JAZF1: variants seen among roughly 807,000 people sequenced by gnomAD.
JAZF1 encodes JAZF zinc finger 1.
A neutral mutation model predicts 26.4 loss-of-function variants in JAZF1; 8 were observed. The ratio of observed to expected loss-of-function variants is 0.30; its 90% confidence interval spans 0.18 to 0.55. The LOEUF (loss-of-function observed/expected upper bound fraction) is 0.55, where lower values mean the gene tolerates loss of function less well. JAZF1 is among the 20% of genes least tolerant of loss of function. The pLI is 0.94. For synonymous variants in JAZF1, 126 were observed against 122.3 expected, an observed-to-expected ratio of 1.03 and a Z score of -0.20; for missense variants, 199 against 322.0, an observed-to-expected ratio of 0.62 and a Z score of 2.92.
Position 27,979,366 on chromosome 7 carries a change from A to ATTTTT in JAZF1, c.188+12538_188+12542dup, listed in dbSNP as rs55737757. ...TAACAGGCGTGGCCAGGTACACTACATTTTTTTTTTTTTTTTTTTTTTTTT... is the reference window on the plus strand; with the variant it reads ...TAACAGGCGTGGCCAGGTACACTACATTTTTTTTTTTTTTTTTTTTTTTTTTTTTT... On this transcript the variant is annotated intron_variant, in intron 2 of 4. Transcript: ENST00000283928. Among the ~76,000 whole-genome samples, 7 of 58,434 alleles carry ATTTTT rather than the reference A, an allele frequency of 1.2e-4. 1 individual carries two copies. The highest frequency in any genetic ancestry group is 2.0e-4 in the African/African-American group (3 of 15,062). The allele number at this position is 58,434 out of a possible 152,430, so 38.3% of individuals were successfully genotyped here. A position where few individuals can be genotyped will look rare whatever the true frequency, so the allele number is the denominator to read the frequency against.
At chr7:27,856,579 C>T (rs959557583) in intron 3 of JAZF1, among the ~76,000 whole-genome samples, 1 of 152,188 alleles carries the variant, frequency 6.6e-6, no homozygotes, top group Non-Finnish European at 1.5e-5. Context: ...CTGATTGGTC[C>T]ATTTTGACAG....
chr7:28,006,013 C>T (rs1782694453), intron 1 of JAZF1, among the ~76,000 whole-genome samples: 2 of 152,068 alleles, frequency 1.3e-5, no homozygotes, highest in Non-Finnish European at 2.9e-5. Context: ...ATGGCTCCTA[C>T]ACATGAAGAG....
intron 3 of JAZF1, among the ~76,000 whole-genome samples, chr7:27,865,782 A>G (rs980232444): frequency 1.3e-5 from 2 of 152,186 alleles, no homozygotes; most frequent in African/African-American, 2.4e-5. Context: ...AGTAGAAGGG[A>G]GCTGACAGCC....
intron 4 of JAZF1, among the ~76,000 whole-genome samples, chr7:27,839,730 T>C (rs1443725875): frequency 6.6e-6 from 1 of 152,244 alleles, no homozygotes; most frequent in Admixed American, 6.5e-5. Flanking sequence ...TTGTGTGCCA[T>C]GCTTTTATAT....
intron 4 of JAZF1, among the ~76,000 whole-genome samples, chr7:27,835,817 T>C (rs1052848923): frequency 1.3e-4 from 20 of 152,248 alleles, no homozygotes; most frequent in Admixed American, 2.0e-4. Flanking sequence ...CTTTCAGAAA[T>C]ATTAGTAAAA....
At chr7:28,080,120 G>A (rs150091572) in intron 1 of JAZF1, among the ~76,000 whole-genome samples, 1 of 152,340 alleles carries the variant, frequency 6.6e-6, no homozygotes, top group African/African-American at 2.4e-5. Flanking sequence ...ATAAATTGTT[G>A]CAGCTTCTCC....
chr7:27,954,697 C>T (rs1267755150), intron 2 of JAZF1, among the ~76,000 whole-genome samples: 4 of 152,156 alleles, frequency 2.6e-5, no homozygotes, highest in African/African-American at 9.7e-5. Flanking sequence ...GCATGTCACT[C>T]CAATCTGTAA....
chr7:28,159,416 G>A (rs987834369), intron 1 of JAZF1, among the ~76,000 whole-genome samples: 1 of 151,606 alleles, frequency 6.6e-6, no homozygotes, highest in African/African-American at 2.4e-5. Context: ...GAACAACACT[G>A]GCCAACTCAG....
At chr7:28,125,747 T>G (rs1782683535) in intron 1 of JAZF1, among the ~76,000 whole-genome samples, 1 of 152,128 alleles carries the variant, frequency 6.6e-6, no homozygotes. Context: ...CTGTCCTCCC[T>G]GTCCCACCTC....
At chr7:28,134,339 C>A (rs1302968434) in intron 1 of JAZF1, among the ~76,000 whole-genome samples, 1 of 152,138 alleles carries the variant, frequency 6.6e-6, no homozygotes, top group Non-Finnish European at 1.5e-5. Context: ...CTTGCTCTGT[C>A]ACCCAGGCTG....
intron 1 of JAZF1, among the ~76,000 whole-genome samples, chr7:28,005,079 A>T (rs531107584): frequency 1.3e-4 from 20 of 152,336 alleles, no homozygotes; most frequent in African/African-American, 3.6e-4. Flanking sequence ...TCGAAAACCA[A>T]ATCACAATCT....
At chr7:28,023,524 C>T (rs1439135528) in intron 1 of JAZF1, among the ~76,000 whole-genome samples, 1 of 152,144 alleles carries the variant, frequency 6.6e-6, no homozygotes, top group East Asian at 1.9e-4. Flanking sequence ...ACACATAATA[C>T]AAGAATTAGC....
chr7:27,892,149 A>G (rs1783984553), intron 3 of JAZF1, among the ~76,000 whole-genome samples: 1 of 152,216 alleles, frequency 6.6e-6, no homozygotes, highest in Non-Finnish European at 1.5e-5. Context: ...CAGGTAAAAT[A>G]ACATTCCAAA....
At chr7:27,905,513 C>T (rs1365418848) in intron 2 of JAZF1, among the ~76,000 whole-genome samples, 1 of 150,984 alleles carries the variant, frequency 6.6e-6, no homozygotes, top group East Asian at 1.9e-4. Context: ...ATCTTTCCTT[C>T]ATCTACTGTC....
intron 1 of JAZF1, among the ~76,000 whole-genome samples, chr7:28,172,511 C>G (rs1341696782): frequency 6.6e-6 from 1 of 152,130 alleles, no homozygotes; most frequent in East Asian, 1.9e-4. Context: ...ACACAGAATT[C>G]CCATTAAAAA....
intron 2 of JAZF1, among the ~76,000 whole-genome samples, chr7:27,941,974 A>G (rs1270797820): frequency 6.6e-6 from 1 of 152,226 alleles, no homozygotes; most frequent in Non-Finnish European, 1.5e-5. Context: ...TTCAAATTTC[A>G]GCTCACTTAT....
chr7:27,930,432 C>CT (rs1784671603), intron 2 of JAZF1, among the ~76,000 whole-genome samples: 1 of 152,100 alleles, frequency 6.6e-6, no homozygotes, highest in South Asian at 2.1e-4. Flanking sequence ...TATTGCAAAC[C>CT]TGACCACTGT....
intron 2 of JAZF1, among the ~76,000 whole-genome samples, chr7:27,930,461 T>C (rs1041539965): frequency 6.6e-6 from 1 of 152,218 alleles, no homozygotes; most frequent in Non-Finnish European, 1.5e-5. Context: ...ACAGTATCTC[T>C]GGAACATTCC....
chr7:28,149,698 A>G (rs771314882), intron 1 of JAZF1, among the ~76,000 whole-genome samples: 25 of 152,178 alleles, frequency 1.6e-4, no homozygotes, highest in Non-Finnish European at 3.2e-4. Flanking sequence ...CAGTGGGGGG[A>G]AAGGTCACTT....
Sources: gnomAD v4.1 joint callset for allele counts (sites outside exome capture counted in the v4.1 genomes callset) on GRCh38, gnomAD v4.1.1 for gene constraint, MANE v1.5 for transcripts, NCBI Gene and HGNC (gene_info 2026-07-23, HGNC 2026-07-21) for gene names.